The following CLIP1 variants were observed in gnomAD, a reference collection of about 807,000 sequenced individuals.
CLIP1 encodes the protein CAP-Gly domain containing linker protein 1.
CLIP1 carries 66 observed loss-of-function variants against 161.6 expected under a neutral mutation model. The ratio of observed to expected loss-of-function variants is 0.41; its 90% CI spans 0.33 to 0.50. The LOEUF (loss-of-function observed/expected upper bound fraction) is 0.50. Ranked by LOEUF, CLIP1 falls within the 20% of genes least tolerant of loss-of-function variation. The probability of loss-of-function intolerance (pLI) is 0.27; values close to 1 mark genes in which losing one functional copy is unlikely to be tolerated. For synonymous variants in CLIP1, 598 were observed against 626.2 expected, an observed-to-expected ratio of 0.96 and a Z score of 0.67; for missense variants, 1,376 against 1,702.0, an observed-to-expected ratio of 0.81 and a Z score of 3.37.
intron 1 of CLIP1, among the ~76,000 whole-genome samples, chr12:122,402,593 T>C (rs1020413498): frequency 1.3e-5 from 2 of 152,186 alleles, no homozygotes; most frequent in Non-Finnish European, 2.9e-5. Flanking sequence ...CTGGCCAACA[T>C]GGTGAAACCC....
chr12:122,421,925 G>T (rs1452215471), intron 1 of CLIP1, among the ~76,000 whole-genome samples: 1 of 152,234 alleles, frequency 6.6e-6, no homozygotes, highest in Non-Finnish European at 1.5e-5. Flanking sequence ...GGAAACCCGA[G>T]AGCGATCTGG....
chr12:122,322,022 C>T (rs1483853601), intron 17 of CLIP1: 1 of 152,220 alleles, frequency 6.6e-6, no homozygotes, highest in African/African-American at 2.4e-5. Context: ...TTTCCATAAG[C>T]AGAAATGAAG....
Position 122,377,278 on chromosome 12 carries a change from G to A in CLIP1, c.657+111C>T, listed in dbSNP as rs1469501273. On this transcript the variant is annotated intron_variant, in intron 3 of 25. Coordinates refer to ENST00000620786, the MANE Select transcript of CLIP1 (RefSeq NM_001247997.2). Reference sequence around the variant, plus strand: ...CCGCCTCAGCCTCCCAAAGTGCTGGGATTATAGGTGTGAGCCACCGCGCCC... The same window carrying A: ...CCGCCTCAGCCTCCCAAAGTGCTGGAATTATAGGTGTGAGCCACCGCGCCC... The A allele has an allele frequency of 3.1e-6, 3 of 972,792 alleles. No homozygotes were observed. The African/African-American group carries it at 4.9e-5, about 16-fold the overall frequency. 60.3% of individuals were successfully genotyped at this position (972,792 alleles called of 1,614,324 possible).
At chr12:122,398,888 T>C (rs938868431) in intron 1 of CLIP1, among the ~76,000 whole-genome samples, 1 of 115,816 alleles carries the variant, frequency 8.6e-6, no homozygotes, top group Non-Finnish European at 1.8e-5. Flanking sequence ...ACACTTATTA[T>C]AGAAAATATA....
intron 4 of CLIP1, among the ~76,000 whole-genome samples, chr12:122,361,436 A>C (rs778047973): frequency 7.9e-5 from 12 of 152,216 alleles, no homozygotes; most frequent in Non-Finnish European, 1.8e-4. Context: ...ATTCTGCATA[A>C]AGGAAATAAA....
At chr12:122,391,573 C>T (rs535464341) in intron 1 of CLIP1, among the ~76,000 whole-genome samples, 61 of 152,170 alleles carry the variant, frequency 4.0e-4, no homozygotes, top group African/African-American at 1.3e-3. Context: ...GGCACAGAAG[C>T]GAGACTTCGT....
chr12:122,314,635 T>C (rs989881444), intron 19 of CLIP1, among the ~76,000 whole-genome samples: 7 of 152,258 alleles, frequency 4.6e-5, no homozygotes, highest in Middle Eastern at 3.4e-3. Flanking sequence ...GCAGTGCAGG[T>C]TGGAGAGGGA....
intron 9 of CLIP1, among the ~76,000 whole-genome samples, chr12:122,348,369 G>A (rs147340793): frequency 1.6e-4 from 25 of 152,230 alleles, no homozygotes; most frequent in Middle Eastern, 6.8e-3. Flanking sequence ...ACTGGTAAGG[G>A]GTTTATTATT....
At chr12:122,325,065 T>G (rs943342804) in intron 17 of CLIP1, among the ~76,000 whole-genome samples, 1 of 151,392 alleles carries the variant, frequency 6.6e-6, no homozygotes, top group Non-Finnish European at 1.5e-5. Flanking sequence ...TTTTTTTTTT[T>G]TTTTTTTGAG....
At chr12:122,302,337 G>GGT (rs1312224250) in intron 20 of CLIP1, among the ~76,000 whole-genome samples, 1 of 151,860 alleles carries the variant, frequency 6.6e-6, no homozygotes, top group Non-Finnish European at 1.5e-5. Flanking sequence ...CCTGACCTCA[G>GGT]GTGATTTGCC....
intron 11 of CLIP1, 123 bp downstream of exon 11, chr12:122,340,630 G>A: frequency 2.7e-6 from 2 of 734,142 alleles, no homozygotes; most frequent in Non-Finnish European, 2.2e-6. Context: ...ACTCAACTGG[G>A]GACATCAAGC....
At chr12:122,329,487 G>A (rs1336413093) in intron 15 of CLIP1, among the ~76,000 whole-genome samples, 5 of 151,540 alleles carry the variant, frequency 3.3e-5, no homozygotes, top group African/African-American at 9.7e-5. Flanking sequence ...AAAATTAGCC[G>A]GGCATGGTGG....
At chr12:122,312,192 CTAT>C (rs1183708116) in intron 19 of CLIP1, among the ~76,000 whole-genome samples, 4 of 152,184 alleles carry the variant, frequency 2.6e-5, no homozygotes, top group East Asian at 3.8e-4. Context: ...CATCATAAAT[CTAT>C]TATCATGCTA....
At chr12:122,338,474 T>A (rs1166510659) in intron 11 of CLIP1, among the ~76,000 whole-genome samples, 1 of 151,940 alleles carries the variant, frequency 6.6e-6, no homozygotes, top group East Asian at 1.9e-4. Context: ...CCCAGCACTT[T>A]GGGAGGCCGA....
intron 21 of CLIP1, among the ~76,000 whole-genome samples, chr12:122,281,467 G>C (rs530226060): frequency 6.6e-6 from 1 of 152,004 alleles, no homozygotes; most frequent in Admixed American, 6.6e-5. Context: ...CAGGAGGATC[G>C]CTTGAGGCCA....
intron 1 of CLIP1, among the ~76,000 whole-genome samples, chr12:122,404,653 T>G (rs1183006529): frequency 7.1e-6 from 1 of 141,786 alleles, no homozygotes; most frequent in East Asian, 2.0e-4. Context: ...TCCCAGCACT[T>G]TGGGAGGCCG....
chr12:122,402,435 A>C (rs1956176711), intron 1 of CLIP1, among the ~76,000 whole-genome samples: 1 of 151,586 alleles, frequency 6.6e-6, no homozygotes, highest in African/African-American at 2.4e-5. Context: ...GAAGCTGCAG[A>C]GAGCTCTGGT....
intron 12 of CLIP1, among the ~76,000 whole-genome samples, chr12:122,335,192 G>A (rs1952161324): frequency 1.3e-5 from 2 of 152,276 alleles, no homozygotes; most frequent in Middle Eastern, 3.4e-3. Context: ...ACAGTTCAAG[G>A]TCTTTTCTAA....
At chr12:122,402,784 G>C (rs938236544) in intron 1 of CLIP1, among the ~76,000 whole-genome samples, 6 of 152,154 alleles carry the variant, frequency 3.9e-5, no homozygotes, top group African/African-American at 1.4e-4. Flanking sequence ...CTGGGTGACA[G>C]ACCAAGACTC....
Sources: allele counts gnomAD v4.1 joint callset (sites outside exome capture counted in the v4.1 genomes callset), GRCh38; gene constraint gnomAD v4.1.1; transcripts MANE v1.5; gene names NCBI Gene and HGNC (gene_info 2026-07-23, HGNC 2026-07-21).